The following LEPR variants were observed in gnomAD, a reference collection of about 807,000 sequenced individuals.
LEPR encodes leptin receptor.
In LEPR, 56 loss-of-function variants were observed where a neutral mutation model predicts 114.7. That is an observed-to-expected ratio of 0.49 (90% CI 0.39 to 0.61). The LOEUF (loss-of-function observed/expected upper bound fraction) is 0.61. Ranked by LOEUF, LEPR falls within the 20% of genes least tolerant of loss-of-function variation. The pLI, the probability that LEPR is intolerant of heterozygous loss-of-function variation, is 0.00. For missense variants in LEPR, 1,202 were observed against 1,352.9 expected, an observed-to-expected ratio of 0.89 and a Z score of 1.75; for synonymous variants, 443 against 461.4, an observed-to-expected ratio of 0.96 and a Z score of 0.51.
intron 2 of LEPR, among the ~76,000 whole-genome samples, chr1:65,507,371 T>A (rs191485959): frequency 1.3e-5 from 2 of 151,746 alleles, no homozygotes; most frequent in Admixed American, 1.3e-4. Context: ...CTTAACATAA[T>A]GCCCTCTAGG....
intron 7 of LEPR, among the ~76,000 whole-genome samples, chr1:65,597,295 T>C (rs2100917066): frequency 6.6e-6 from 1 of 152,214 alleles, no homozygotes; most frequent in East Asian, 1.9e-4. Flanking sequence ...ATATACCTAT[T>C]GTGATGATTC....
chr1:65,430,185 A>G (rs1020710460), intron 2 of LEPR: 2 of 679,124 alleles, frequency 2.9e-6, no homozygotes, highest in East Asian at 5.9e-5. Flanking sequence ...CTGTTCCTCT[A>G]CTTTAGACCT....
At position 65,610,350 on chromosome 1, in the gene LEPR, T is replaced by G. The variant is rs1024522006; in HGVS notation, c.1995+54T>G. The stretch of plus-strand genomic sequence containing the variant: ...ATTGTATTTTTATACTCTTAAAAAT[T>G]TACTTCATGGTCCATAATCCTGTTA... On this transcript the variant is annotated intron_variant, in intron 14 of 19. Coordinates refer to ENST00000349533, the MANE Select transcript of LEPR (RefSeq NM_002303.6). 1.2e-5 allele frequency: 17 copies of G among 1,405,940 alleles called. No homozygotes were observed. In the Admixed American group the frequency reaches 1.6e-4, roughly 14 times the overall value. 87.1% of individuals were successfully genotyped at this position (1,405,940 alleles called of 1,614,324 possible).
At chr1:65,537,260 A>G (rs1333295073) in intron 2 of LEPR, among the ~76,000 whole-genome samples, 2 of 152,174 alleles carry the variant, frequency 1.3e-5, no homozygotes. Flanking sequence ...ATTTAATGAA[A>G]GGAACTAAGT....
intron 2 of LEPR, among the ~76,000 whole-genome samples, chr1:65,556,023 A>G (rs1652791838): frequency 6.6e-6 from 1 of 152,158 alleles, no homozygotes; most frequent in Non-Finnish European, 1.5e-5. Context: ...AAACCTAATT[A>G]CCAATGCAAT....
Position 65,636,415 on chromosome 1 carries a change from G to A in LEPR, c.2898G>A (p.Glu966=). Residue 966 remains glutamate (E), a synonymous_variant, in exon 20 of 20, where the codon GAG becomes GAA. Transcript: ENST00000349533. ...AGTTCAACAGTGTTAACTTCTCTGA[G>A]GCTGAGGGTACTGAGGTAACCTATG... ...SDQFNSVNFS[E]AEGTEVTYED... 6.2e-7 allele frequency: 1 copy of A among 1,614,072 alleles called. No individual in the cohort carries two copies. The highest frequency in any genetic ancestry group is 1.1e-5 in the South Asian group (1 of 91,078).
chr1:65,486,638 T>C (rs1308037912), intron 2 of LEPR: 1 of 152,170 alleles, frequency 6.6e-6, no homozygotes, highest in Admixed American at 6.6e-5. Flanking sequence ...CCAATCAAAT[T>C]CCTCTCCTGG....
chr1:65,425,508 C>A, intron 2 of LEPR, 130 bp downstream of exon 2: 1 of 670,856 alleles, frequency 1.5e-6, no homozygotes, highest in Non-Finnish European at 2.4e-6. Flanking sequence ...AGTTTATGAA[C>A]ACAGTCCCTT....
At chr1:65,603,082 A>T (rs1269850994) in intron 10 of LEPR, among the ~76,000 whole-genome samples, 1 of 152,184 alleles carries the variant, frequency 6.6e-6, no homozygotes, top group African/African-American at 2.4e-5. Flanking sequence ...TAACTTCCCT[A>T]AGCCTCAATT....
rs528466625 is a variant in LEPR, at chr1:65,421,991, G to C, written c.-97+1251G>C. On this transcript the variant is annotated intron_variant, in intron 1 of 19. Transcript: ENST00000349533. ...ATACAAAGATAAATGAGAAGTTATT[G>C]GTGGGTGACAGAGCTGGAAATAATT... Among the ~76,000 whole-genome samples the C allele has an allele frequency of 1.2e-4, 19 of 152,346 alleles. No individual in the cohort carries two copies. The South Asian group carries it at 2.7e-3, about 22-fold the overall frequency.
intron 19 of LEPR, chr1:65,634,399 C>T: frequency 1.0e-6 from 1 of 969,900 alleles, no homozygotes. Flanking sequence ...TAATTACTGC[C>T]CACTCAACAC....
In LEPR at chr1:65,637,546, T is replaced by C. The variant is rs1658757501; in HGVS notation, c.*531T>C. 6.5e-6 allele frequency: 1 copy of C among 153,140 alleles called. No homozygotes were observed. The highest frequency in any genetic ancestry group is 2.4e-5 in the African/African-American group (1 of 41,464). The allele number at this position is 153,140 out of a possible 1,614,324, so 9.5% of individuals were successfully genotyped here. A position where few individuals can be genotyped will look rare whatever the true frequency, so the allele number is the denominator to read the frequency against. Reference sequence around the variant, plus strand: ...GAAGACTAATGAGCCAATTGTTATGTACCAAATCTAAGATATGTACCATAG... The same window carrying C: ...GAAGACTAATGAGCCAATTGTTATGCACCAAATCTAAGATATGTACCATAG... On this transcript the variant is annotated 3_prime_UTR_variant, in exon 20 of 20. Transcript: ENST00000349533.
chr1:65,428,332 T>TA (rs575642229), intron 2 of LEPR, among the ~76,000 whole-genome samples: 346 of 152,354 alleles, frequency 2.3e-3, no homozygotes, highest in Non-Finnish European at 4.2e-3. Context: ...CAGGAAAAAT[T>TA]AAGAGTTCTT....
chr1:65,533,956 T>G (rs1280199883), intron 2 of LEPR, among the ~76,000 whole-genome samples: 1 of 152,168 alleles, frequency 6.6e-6, no homozygotes, highest in Admixed American at 6.5e-5. Flanking sequence ...ATTTTAAATG[T>G]GTCTCTGTAT....
intron 2 of LEPR, among the ~76,000 whole-genome samples, chr1:65,511,429 T>TACACACACACAC (rs5774756): frequency 2.0e-5 from 3 of 147,600 alleles, no homozygotes; most frequent in African/African-American, 7.5e-5. Flanking sequence ...TATATATGTA[T>TACACACACACAC]ACACACACAC....
chr1:65,444,200 ATGC>A, intron 2 of LEPR, among the ~76,000 whole-genome samples: 1 of 148,388 alleles, frequency 6.7e-6, no homozygotes, highest in Non-Finnish European at 1.5e-5. Flanking sequence ...GAGTGAGAAT[ATGC>A]GGTGTTAAGA....
intron 2 of LEPR, among the ~76,000 whole-genome samples, chr1:65,490,151 CTACAAAA>C (rs1647787662): frequency 6.6e-6 from 1 of 152,062 alleles, no homozygotes; most frequent in Non-Finnish European, 1.5e-5. Context: ...GACTTAATGA[CTACAAAA>C]TACTCAGCAC....
intron 2 of LEPR, among the ~76,000 whole-genome samples, chr1:65,510,153 A>C (rs1648956996): frequency 6.6e-6 from 1 of 152,226 alleles, no homozygotes. Context: ...GAGACAAGAG[A>C]TAGGATTACT....
At chr1:65,604,345 T>C (rs1656664648) in intron 10 of LEPR, among the ~76,000 whole-genome samples, 1 of 152,098 alleles carries the variant, frequency 6.6e-6, no homozygotes, top group Admixed American at 6.5e-5. Flanking sequence ...TTTAATTTAA[T>C]TTAATTTTAT....
Sources: gnomAD v4.1 joint callset for allele counts (sites outside exome capture counted in the v4.1 genomes callset) on GRCh38, gnomAD v4.1.1 for gene constraint, MANE v1.5 for transcripts, NCBI Gene and HGNC (gene_info 2026-07-23, HGNC 2026-07-21) for gene names.